Variants in TENM1 observed in about 807,000 individuals in gnomAD.
The protein encoded by TENM1 is teneurin-1.
A neutral mutation model predicts 174.8 loss-of-function variants in TENM1; 35 were observed. That is an observed-to-expected ratio of 0.20 (90% CI 0.15 to 0.27). TENM1 has a LOEUF of 0.27. TENM1 is among the 10% of genes least tolerant of loss of function. The pLI is 1.00. For synonymous variants in TENM1, 781 were observed against 798.7 expected, an observed-to-expected ratio of 0.98 and a Z score of 0.37; for missense variants, 1,633 against 2,130.1, an observed-to-expected ratio of 0.77 and a Z score of 4.59.
the TENM1 span, among the ~76,000 whole-genome samples, chrX:125,134,716 G>A: frequency 8.9e-6 from 1 of 112,346 alleles, no homozygotes; most frequent in African/African-American, 3.2e-5. Context: ...TCAGAGGGAA[G>A]AAAATGTGTC....
At chrX:124,528,265 A>C (rs1041652183) in intron 16 of TENM1, among the ~76,000 whole-genome samples, 2 of 111,370 alleles carry the variant, frequency 1.8e-5, no homozygotes, top group Admixed American at 9.6e-5. Context: ...CTAAAGACAC[A>C]AAAATAACAA....
At chrX:124,957,072 C>G (rs1237367848) in intron 1 of TENM1, among the ~76,000 whole-genome samples, 2 of 111,982 alleles carry the variant, frequency 1.8e-5, no homozygotes, top group Admixed American at 9.5e-5. Flanking sequence ...GAGAGAAAAT[C>G]ATAGTCACTA....
chrX:125,183,828 T>A, the TENM1 span, among the ~76,000 whole-genome samples: 2 of 112,212 alleles, frequency 1.8e-5, no homozygotes, highest in Admixed American at 1.9e-4. Flanking sequence ...AGGAGCAATC[T>A]TTTAAATGGT....
At chrX:125,029,357 T>A in the TENM1 span, among the ~76,000 whole-genome samples, 1 of 112,015 alleles carries the variant, frequency 8.9e-6, no homozygotes, top group East Asian at 2.8e-4. Context: ...CTGTATTACA[T>A]CAACTCTTTC....
upstream of TENM1, among the ~76,000 whole-genome samples, chrX:124,968,026 T>G (rs1365461376): frequency 8.9e-6 from 1 of 111,973 alleles, no homozygotes; most frequent in Non-Finnish European, 1.9e-5. Flanking sequence ...GTCTCAAATT[T>G]CTAAGCTGCT....
intron 14 of TENM1, among the ~76,000 whole-genome samples, chrX:124,557,721 T>A (rs1408972071): frequency 2.7e-5 from 3 of 112,031 alleles, no homozygotes; most frequent in Non-Finnish European, 5.6e-5. Flanking sequence ...TATTCTCACA[T>A]CAGTGCCACT....
intron 29 of TENM1, 57 bp from the exon 33 acceptor site, chrX:124,384,911 G>A (rs1377059085): frequency 1.9e-6 from 2 of 1,067,360 alleles, no homozygotes; most frequent in African/African-American, 3.7e-5. Context: ...GGAAGAGTCA[G>A]AAAGGTCTAG....
At chrX:125,064,198 C>T in the TENM1 span, among the ~76,000 whole-genome samples, 4 of 109,870 alleles carry the variant, frequency 3.6e-5, no homozygotes, top group Non-Finnish European at 3.8e-5. Context: ...TTAGGAGATA[C>T]ACCTAATGTT....
At chrX:124,956,891 T>C (rs755772563) in intron 1 of TENM1, among the ~76,000 whole-genome samples, 10 of 112,419 alleles carry the variant, frequency 8.9e-5, no homozygotes, top group African/African-American at 3.2e-4. Flanking sequence ...GGAACTGATA[T>C]CTAAACTGTC....
chrX:124,530,309 AC>A (rs1486386962), intron 15 of TENM1, among the ~76,000 whole-genome samples: 1 of 110,613 alleles, frequency 9.0e-6, no homozygotes, highest in Non-Finnish European at 1.9e-5. Context: ...AACTTGCTTA[AC>A]CTACCCCTGA....
chrX:124,482,795 T>C (rs768593973), intron 21 of TENM1, among the ~76,000 whole-genome samples: 16 of 112,002 alleles, frequency 1.4e-4, no homozygotes, highest in Middle Eastern at 4.6e-3. Context: ...TTTTGATTCT[T>C]CCTAATTTTA....
At chrX:124,756,521 C>T (rs1188500900) in intron 3 of TENM1, among the ~76,000 whole-genome samples, 9 of 111,747 alleles carry the variant, frequency 8.1e-5, no homozygotes, top group East Asian at 2.8e-4. Context: ...AGCTTTGTTC[C>T]GTTGCTGGTG....
At chrX:124,517,431 G>T (rs1436100887) in intron 18 of TENM1, among the ~76,000 whole-genome samples, 1 of 109,823 alleles carries the variant, frequency 9.1e-6, no homozygotes, top group African/African-American at 3.3e-5. Flanking sequence ...AACAATGATA[G>T]ACTGGATTAA....
At chrX:124,659,343 C>T (rs1209327099) in intron 6 of TENM1, among the ~76,000 whole-genome samples, 1 of 111,128 alleles carries the variant, frequency 9.0e-6, no homozygotes, top group African/African-American at 3.3e-5. Context: ...ATGAAAACTC[C>T]AAAGTGAAAT....
chrX:124,911,183 T>C (rs1368232710), intron 1 of TENM1, among the ~76,000 whole-genome samples: 2 of 111,535 alleles, frequency 1.8e-5, no homozygotes, highest in South Asian at 3.8e-4. Context: ...CCCAAAGTGC[T>C]GGGATTACAC....
chrX:125,142,427 G>A, the TENM1 span, among the ~76,000 whole-genome samples: 7 of 111,410 alleles, frequency 6.3e-5, no homozygotes, highest in Non-Finnish European at 7.5e-5. Context: ...GAAGGGTCAC[G>A]GAGTGGGGTG....
intron 3 of TENM1, among the ~76,000 whole-genome samples, chrX:124,800,857 A>G (rs2055429518): frequency 8.9e-6 from 1 of 111,964 alleles, no homozygotes; most frequent in Non-Finnish European, 1.9e-5. Flanking sequence ...TTCATTATTT[A>G]CCCAGTAGTC....
intron 20 of TENM1, among the ~76,000 whole-genome samples, chrX:124,494,458 T>C (rs2047141634): frequency 9.0e-6 from 1 of 110,764 alleles, no homozygotes; most frequent in African/African-American, 3.3e-5. Flanking sequence ...CAGGTTTGTT[T>C]ATTCTTAAGG....
intron 11 of TENM1, among the ~76,000 whole-genome samples, chrX:124,567,970 C>T (rs1176267385): frequency 3.6e-5 from 4 of 111,824 alleles, no homozygotes; most frequent in African/African-American, 1.3e-4. Context: ...AAATCTTAGG[C>T]ATAGAGGAGT....
Sources: allele counts gnomAD v4.1 joint callset (sites outside exome capture counted in the v4.1 genomes callset), GRCh38; gene constraint gnomAD v4.1.1; transcripts MANE v1.5; gene names NCBI Gene and HGNC (gene_info 2026-07-23, HGNC 2026-07-21).